SLC27A6: variants seen among roughly 807,000 people sequenced by gnomAD.
The protein encoded by SLC27A6 is long-chain fatty acid transport protein 6.
In SLC27A6, 74 loss-of-function variants were observed where a neutral mutation model predicts 63.9. The ratio of observed to expected loss-of-function variants is 1.16; its 90% CI spans 0.96 to 1.40. The LOEUF is 1.40. SLC27A6 is among the 40% of genes most tolerant of loss of function. SLC27A6 has a pLI of 0.00. For missense variants in SLC27A6, 794 were observed against 732.9 expected, an observed-to-expected ratio of 1.08 and a Z score of -0.96; for synonymous variants, 287 against 260.8, an observed-to-expected ratio of 1.10 and a Z score of -0.97.
chr5:129,015,972 G>T lies in SLC27A6; in HGVS notation c.1057G>T (p.Gly353Ter). ...DVWREFLDRFGNIKVCELYAA... is the reference protein window; with the variant it reads ...DVWREFLDRF ...ATGGAGAGAATTTTTAGACAGATTT[G>T]GAAATATAAAGGTGTGTGAACTTTA... Residue 353 changes from glycine (G) to a stop codon, truncating the protein, a stop_gained, in exon 5 of 10, where the codon GGA (glycine) becomes TGA (stop). Coordinates refer to ENST00000262462, the MANE Select transcript of SLC27A6 (RefSeq NM_001017372.3). LOFTEE classifies it high-confidence loss of function. The T allele has an allele frequency of 6.2e-7, 1 of 1,609,424 alleles. No individual in the cohort carries two copies.
intron 4 of SLC27A6, among the ~76,000 whole-genome samples, chr5:129,003,728 G>A (rs751560638): frequency 7.9e-5 from 12 of 152,006 alleles, no homozygotes; most frequent in Non-Finnish European, 1.3e-4. Flanking sequence ...CCAGTTACTT[G>A]GGAGGCTGAG....
chr5:128,978,446 C>T (rs886865540), intron 1 of SLC27A6, among the ~76,000 whole-genome samples: 1 of 152,154 alleles, frequency 6.6e-6, no homozygotes, highest in African/African-American at 2.4e-5. Context: ...TTTAGTTAGC[C>T]TTGAGTACAT....
At position 128,966,429 on chromosome 5, in the gene SLC27A6, A is replaced by T; in HGVS notation, c.292A>T (p.Asn98Tyr). ...RSSRVAHVFL[N>Y]HSSLKKGDTV... Reference sequence around the variant, plus strand: ...CAGCAGAGTGGCCCATGTCTTCCTGAACCATTCCTCTCTGAAAAAGGGGGA... The same window carrying T: ...CAGCAGAGTGGCCCATGTCTTCCTGTACCATTCCTCTCTGAAAAAGGGGGA... Residue 98 changes from asparagine (N) to tyrosine (Y), a missense_variant, in exon 1 of 10, where the codon AAC (asparagine) becomes TAC (tyrosine). Physicochemically the swap from Asn to Tyr is moderately radical, Grantham distance 143. Coordinates refer to ENST00000262462, the MANE Select transcript of SLC27A6 (RefSeq NM_001017372.3). 6.2e-7 allele frequency: 1 copy of T among 1,607,742 alleles called. No homozygotes were observed. The highest frequency in any genetic ancestry group is 8.5e-7 in the Non-Finnish European group (1 of 1,177,076).
At chr5:128,998,846 A>G (rs1751243300) in intron 4 of SLC27A6, among the ~76,000 whole-genome samples, 1 of 152,216 alleles carries the variant, frequency 6.6e-6, no homozygotes, top group South Asian at 2.1e-4. Flanking sequence ...CAGGAAATAC[A>G]AGAATATTCA....
intron 4 of SLC27A6, among the ~76,000 whole-genome samples, chr5:129,002,956 T>C (rs1470515968): frequency 6.6e-6 from 1 of 152,206 alleles, no homozygotes; most frequent in Non-Finnish European, 1.5e-5. Context: ...TTCTCTACTT[T>C]GGTTTTTGAG....
chr5:128,985,284 TG>T lies in SLC27A6; in HGVS notation c.634del (p.Val212SerfsTer24). ...AGCCCGTGCCACGCAGCCACCATGT[TG>T]TCTCACTCCTCAAGTCTACTTGTCT... ...DEPVPRSHHVVSLLKSTCLYI... is the reference protein window; with the variant it reads ...DEPVPRSHHVXSLLKSTCLYI... On this transcript the variant is annotated frameshift_variant, in exon 2 of 10. Coordinates refer to ENST00000262462, the MANE Select transcript of SLC27A6 (RefSeq NM_001017372.3). LOFTEE classifies it high-confidence loss of function. 6.2e-7 allele frequency: 1 copy of T among 1,614,154 alleles called. No homozygotes were observed. The highest frequency in any genetic ancestry group is 1.1e-5 in the South Asian group (1 of 91,082).
chr5:128,989,515 A>C (rs11749027), intron 3 of SLC27A6, among the ~76,000 whole-genome samples: 39,148 of 152,160 alleles, frequency 0.26, 5,510 homozygotes, highest in Non-Finnish European at 0.31. Flanking sequence ...ATATTAAAAG[A>C]CATTAAAATC....
intron 4 of SLC27A6, among the ~76,000 whole-genome samples, chr5:129,010,500 G>C (rs1331180201): frequency 2.6e-5 from 4 of 152,114 alleles, no homozygotes; most frequent in African/African-American, 9.7e-5. Flanking sequence ...ATTTTCTCTG[G>C]CTGCAAGCAA....
At position 129,033,091 on chromosome 5, in the gene SLC27A6, G is replaced by A; in HGVS notation, c.1684-15G>A. 1.3e-6 allele frequency: 2 copies of A among 1,584,640 alleles called. No individual in the cohort carries two copies. The highest frequency in any genetic ancestry group is 8.6e-7 in the Non-Finnish European group (1 of 1,160,692). On this transcript the variant is annotated splice_polypyrimidine_tract_variant and intron_variant, in intron 9 of 9. Transcript: ENST00000262462. ...TTATTAAATGATTCTACTCATCCTG[G>A]TAATTGCTTTACAGGAAAAAATGGA...
At chr5:128,971,142 T>C (rs889286965) in intron 1 of SLC27A6, among the ~76,000 whole-genome samples, 1 of 152,206 alleles carries the variant, frequency 6.6e-6, no homozygotes, top group African/African-American at 2.4e-5. Flanking sequence ...ACAATTTCTT[T>C]TCTTTTACAT....
At chr5:129,032,731 C>T (rs779562130) in intron 9 of SLC27A6, among the ~76,000 whole-genome samples, 7 of 151,908 alleles carry the variant, frequency 4.6e-5, no homozygotes, top group Non-Finnish European at 8.8e-5. Flanking sequence ...TTGTGTGTAC[C>T]TGTAGTAGAA....
rs144913672 is a variant in SLC27A6 at position 128,967,908 on chromosome 5, C to G, written c.481+1290C>G. On this transcript the variant is annotated intron_variant, in intron 1 of 9. Coordinates refer to ENST00000262462, the MANE Select transcript of SLC27A6 (RefSeq NM_001017372.3). ...GTATTCCTCCTAATGCTATCCCTCC[C>G]CACTCCCCCCACCCCACGACAGGCC... Among the ~76,000 whole-genome samples, 1,002 of 152,180 alleles carry G rather than the reference C, an allele frequency of 6.6e-3. 12 individuals carry two copies. The highest frequency in any genetic ancestry group is 0.023 in the African/African-American group (946 of 41,518).
intron 1 of SLC27A6, among the ~76,000 whole-genome samples, chr5:128,971,301 C>G (rs1236897780): frequency 6.6e-6 from 1 of 152,032 alleles, no homozygotes; most frequent in African/African-American, 2.4e-5. Flanking sequence ...GAGTTCAATT[C>G]CTTTATATCC....
At chr5:129,026,116 C>T (rs1210223169) in intron 6 of SLC27A6, among the ~76,000 whole-genome samples, 7 of 152,122 alleles carry the variant, frequency 4.6e-5, no homozygotes, top group Admixed American at 4.6e-4. Context: ...GCCTGGGTCA[C>T]AGAGTGAGAG....
At chr5:128,969,451 T>C (rs1298463728) in intron 1 of SLC27A6, among the ~76,000 whole-genome samples, 2 of 152,202 alleles carry the variant, frequency 1.3e-5, no homozygotes, top group Non-Finnish European at 2.9e-5. Context: ...TGAGCAGTGG[T>C]TTGTAGTTCT....
rs1428876918 is a variant in SLC27A6 at position 129,015,829 on chromosome 5, T to TAATG, written c.970-54_970-53insTGAA. 23 of 1,224,474 alleles carry TAATG rather than the reference T, an allele frequency of 1.9e-5. No homozygotes were observed. In the African/African-American group the frequency reaches 3.1e-4, roughly 17 times the overall value. 75.9% of individuals were successfully genotyped at this position (1,224,474 alleles called of 1,614,324 possible). A position where few individuals can be genotyped will look rare whatever the true frequency, so the allele number is the denominator to read the frequency against. On this transcript the variant is annotated intron_variant, in intron 4 of 9. Transcript: ENST00000262462. ...ATGATATTTTTCATTTAAATAATAA[T>TAATG]AAAGAAAGAATTAGAAACTGGAACT...
chr5:129,027,744 T>C (rs1380203144), intron 7 of SLC27A6, among the ~76,000 whole-genome samples: 2 of 152,150 alleles, frequency 1.3e-5, no homozygotes, highest in Non-Finnish European at 2.9e-5. Context: ...TTTAGGCCTA[T>C]GAAATTATTT....
intron 4 of SLC27A6, among the ~76,000 whole-genome samples, chr5:129,005,608 A>ATTTTTTTTTTTTTTTTTTTT (rs34048257): frequency 1.0e-5 from 1 of 98,916 alleles, no homozygotes; most frequent in Non-Finnish European, 1.9e-5. Context: ...GTCTGGTTGT[A>ATTTTTTTTTTTTTTTTTTTT]TTTTTTTTTT....
intron 1 of SLC27A6, among the ~76,000 whole-genome samples, chr5:128,979,718 T>A (rs529113497): frequency 6.6e-6 from 1 of 152,302 alleles, no homozygotes; most frequent in South Asian, 2.1e-4. Context: ...TATAATAATA[T>A]AATGTATAAA....
Sources: allele counts gnomAD v4.1 joint callset (sites outside exome capture counted in the v4.1 genomes callset), GRCh38; gene constraint gnomAD v4.1.1; transcripts MANE v1.5; gene names NCBI Gene and HGNC (gene_info 2026-07-23, HGNC 2026-07-21).